Variants in ST3GAL5 observed in about 807,000 individuals in gnomAD.
The protein encoded by ST3GAL5 is ST3 beta-galactoside alpha-2,3-sialyltransferase 5.
Under a neutral mutation model 46.1 loss-of-function variants are expected in ST3GAL5, and 25 were observed. That is an observed-to-expected ratio of 0.54 (90% CI 0.40 to 0.76). The LOEUF is 0.76. Among genes scored for constraint, ST3GAL5 ranks in the 30% least tolerant of loss-of-function variants. The pLI is 0.00. For synonymous variants in ST3GAL5, 182 were observed against 192.7 expected (o/e 0.94, Z 0.46); for missense variants, 431 against 521.2 (o/e 0.83, Z 1.69).
At chr2:85,873,341 G>A (rs1686162245) in intron 1 of ST3GAL5, among the ~76,000 whole-genome samples, 1 of 152,182 alleles carries the variant, frequency 6.6e-6, no homozygotes, top group Non-Finnish European at 1.5e-5. Context: ...CAGGAGTCAA[G>A]TTGGGTTAGC....
intron 1 of ST3GAL5, among the ~76,000 whole-genome samples, chr2:85,882,453 A>G (rs1180301798): frequency 6.6e-6 from 1 of 152,234 alleles, no homozygotes; most frequent in Non-Finnish European, 1.5e-5. Flanking sequence ...CCACAGGGGC[A>G]GAGCTGCCCA....
intron 1 of ST3GAL5, chr2:85,880,966 TC>T: frequency 2.0e-6 from 1 of 509,784 alleles, no homozygotes; most frequent in South Asian, 1.5e-5. Context: ...TTTGGCTCTG[TC>T]CCCACCCAAA....
intron 1 of ST3GAL5, among the ~76,000 whole-genome samples, chr2:85,877,407 A>T (rs954813572): frequency 1.3e-5 from 2 of 152,202 alleles, no homozygotes; most frequent in African/African-American, 4.8e-5. Context: ...GCATTTTTGA[A>T]AAGTACAGCC....
At chr2:85,866,088 G>A (rs1573662726) in intron 1 of ST3GAL5, 1 of 152,302 alleles carries the variant, frequency 6.6e-6, no homozygotes, top group East Asian at 1.9e-4. Flanking sequence ...CTTCAGACTA[G>A]GGGTGACAAT....
chr2:85,858,759 G>C (rs1312227329), intron 3 of ST3GAL5, among the ~76,000 whole-genome samples: 1 of 152,342 alleles, frequency 6.6e-6, no homozygotes, highest in Admixed American at 6.5e-5. Context: ...CACCTGGGCA[G>C]GCCCATCCTT....
intron 4 of ST3GAL5, among the ~76,000 whole-genome samples, chr2:85,847,230 G>A (rs1404108696): frequency 6.6e-6 from 1 of 152,058 alleles, no homozygotes; most frequent in African/African-American, 2.4e-5. Flanking sequence ...CTGGCCCCAA[G>A]CCCCTTCTCC....
intron 1 of ST3GAL5, among the ~76,000 whole-genome samples, chr2:85,883,074 G>A (rs761960961): frequency 7.2e-5 from 11 of 152,146 alleles, no homozygotes; most frequent in Non-Finnish European, 1.5e-4. Flanking sequence ...CTTTGGGTGA[G>A]TGTTGAGAAG....
At chr2:85,875,473 T>C (rs1686438860) in intron 1 of ST3GAL5, 1 of 151,944 alleles carries the variant, frequency 6.6e-6, no homozygotes, top group Non-Finnish European at 1.5e-5. Context: ...TTTGGTAATC[T>C]GTAGAAAGCA....
chr2:85,862,352 A>G (rs1684818969), intron 2 of ST3GAL5, among the ~76,000 whole-genome samples: 1 of 152,122 alleles, frequency 6.6e-6, no homozygotes, highest in African/African-American at 2.4e-5. Flanking sequence ...ATGGAGGGTA[A>G]ATGGGGAGCA....
intron 1 of ST3GAL5, among the ~76,000 whole-genome samples, chr2:85,877,839 G>C (rs1411272393): frequency 6.6e-6 from 1 of 152,012 alleles, no homozygotes; most frequent in Non-Finnish European, 1.5e-5. Flanking sequence ...ACTCCTATCA[G>C]ACTTAATTTC....
intron 3 of ST3GAL5, among the ~76,000 whole-genome samples, chr2:85,852,010 G>A (rs1683570565): frequency 6.6e-6 from 1 of 152,256 alleles, no homozygotes; most frequent in Non-Finnish European, 1.5e-5. Flanking sequence ...AAAACATCAT[G>A]TGAAATTCAC....
At chr2:85,852,997 A>G in intron 3 of ST3GAL5, 1 of 1,304,244 alleles carries the variant, frequency 7.7e-7, no homozygotes. Flanking sequence ...GGCACGGTGT[A>G]GGTCTGCAGA....
intron 3 of ST3GAL5, among the ~76,000 whole-genome samples, chr2:85,852,670 A>C (rs78470788): frequency 6.6e-6 from 1 of 152,136 alleles, no homozygotes; most frequent in Non-Finnish European, 1.5e-5. Flanking sequence ...GCGTGGCTGC[A>C]TAAGTTTTTA....
rs1251119344 is a variant in ST3GAL5 at position 85,838,033 on chromosome 2, GC to G, written c.*2110del. 1 of 152,244 alleles carries G rather than the reference GC, an allele frequency of 6.6e-6. No homozygotes were observed. The highest frequency in any genetic ancestry group is 1.5e-5 in the Non-Finnish European group (1 of 68,134). 9.4% of individuals were successfully genotyped at this position (152,244 alleles called of 1,614,324 possible). Reference sequence around the variant, plus strand: ...AAGATGCAACTTCCAACAAATGAATGCCAAAGTGTGAAAAGTTCTTGAGAAT... The same window carrying G: ...AAGATGCAACTTCCAACAAATGAATGCAAAGTGTGAAAAGTTCTTGAGAAT... On this transcript the variant is annotated 3_prime_UTR_variant, in exon 7 of 7. Coordinates refer to ENST00000638572, the MANE Select transcript of ST3GAL5 (RefSeq NM_003896.4).
At chr2:85,871,719 C>T (rs1685949157) in intron 1 of ST3GAL5, among the ~76,000 whole-genome samples, 3 of 152,164 alleles carry the variant, frequency 2.0e-5, no homozygotes, top group Admixed American at 2.0e-4. Context: ...CATCTATGCA[C>T]CTCCACACCC....
chr2:85,844,600 G>A (rs1471823005), intron 5 of ST3GAL5, 46 bp from the exon 6 acceptor site: 5 of 1,611,654 alleles, frequency 3.1e-6, no homozygotes, highest in Non-Finnish European at 3.4e-6. Context: ...TCTAGGGGAG[G>A]GGAGAAAGCA....
At chr2:85,879,305 C>T (rs183281058) in intron 1 of ST3GAL5, among the ~76,000 whole-genome samples, 393 of 152,246 alleles carry the variant, frequency 2.6e-3, no homozygotes, top group African/African-American at 8.8e-3. Context: ...TAGCACTGGG[C>T]CAGCCAAGAC....
Position 85,888,847 on chromosome 2 carries a change from G to T in ST3GAL5, c.59C>A (p.Ala20Glu). ...ACCTCGGCCGGCAGGTGCCGCCGCTGCCTCGGTCCGCGGCTGCAGGGGACG... is the reference window on the plus strand; with the variant it reads ...ACCTCGGCCGGCAGGTGCCGCCGCTTCCTCGGTCCGCGGCTGCAGGGGACG... ...ERRPLQPRTE[A>E]AAAPAGRAMP... The change falls in exon 1 of 7, where the codon GCA becomes GAA. Residue 20 changes from alanine (A) to glutamate (E), a missense_variant. Coordinates refer to ENST00000638572, the MANE Select transcript of ST3GAL5 (RefSeq NM_003896.4). The T allele has an allele frequency of 7.5e-7, 1 of 1,324,736 alleles. No individual in the cohort carries two copies. Among genetic ancestry groups the T allele is most frequent in the Non-Finnish European group, 9.7e-7 (1 of 1,031,960 alleles). The allele number at this position is 1,324,736 out of a possible 1,614,324, so 82.1% of individuals were successfully genotyped here.
chr2:85,886,709 C>T (rs1687805597), intron 1 of ST3GAL5, among the ~76,000 whole-genome samples: 1 of 152,124 alleles, frequency 6.6e-6, no homozygotes, highest in South Asian at 2.1e-4. Flanking sequence ...GGCGAGCCTG[C>T]GTGTCACCGT....
Sources: allele counts gnomAD v4.1 joint callset (sites outside exome capture counted in the v4.1 genomes callset), GRCh38; gene constraint gnomAD v4.1.1; transcripts MANE v1.5; gene names NCBI Gene and HGNC (gene_info 2026-07-23, HGNC 2026-07-21).